Variants in GLI2 observed in about 807,000 individuals in gnomAD.
GLI2 encodes transcription activator GLI2.
In GLI2, 22 loss-of-function variants were observed where a neutral mutation model predicts 78.9. The ratio of observed to expected loss-of-function variants is 0.28; its 90% CI spans 0.20 to 0.40. The LOEUF is 0.40. Among genes scored for constraint, GLI2 ranks in the 10% least tolerant of loss-of-function variants. GLI2 has a pLI of 1.00. For synonymous variants in GLI2, 974 were observed against 963.7 expected (o/e 1.01, Z -0.20); for missense variants, 2,097 against 2,213.2 (o/e 0.95, Z 1.05).
At chr2:120,983,452 G>A (rs2105066521) in intron 11 of GLI2, among the ~76,000 whole-genome samples, 1 of 152,326 alleles carries the variant, frequency 6.6e-6, no homozygotes, top group Non-Finnish European at 1.5e-5. Context: ...CCACTGGGGA[G>A]CAGCTGCCCC....
chr2:120,990,682 G>C lies in GLI2; in HGVS notation c.*7G>C, dbSNP rs372740091. 1.2e-6 allele frequency: 2 copies of C among 1,609,388 alleles called. No homozygotes were observed. The highest frequency in any genetic ancestry group is 2.2e-5 in the East Asian group (1 of 44,836). Reference sequence around the variant, plus strand: ...CCTGAACATGATGACCTAGAGGCCCGAGCGCCTGGTGCTGAGTGCACCCGG... The same window carrying C: ...CCTGAACATGATGACCTAGAGGCCCCAGCGCCTGGTGCTGAGTGCACCCGG... On this transcript the variant is annotated 3_prime_UTR_variant, in exon 14 of 14. Coordinates refer to ENST00000361492, the MANE Select transcript of GLI2 (RefSeq NM_001374353.1).
chr2:120,827,635 C>T (rs1373884491), intron 2 of GLI2, among the ~76,000 whole-genome samples: 1 of 152,168 alleles, frequency 6.6e-6, no homozygotes, highest in African/African-American at 2.4e-5. Flanking sequence ...GGAAGCTACC[C>T]AAGGGTCCAT....
At chr2:120,887,820 A>C (rs1220159688) in intron 2 of GLI2, among the ~76,000 whole-genome samples, 1 of 152,190 alleles carries the variant, frequency 6.6e-6, no homozygotes, top group Non-Finnish European at 1.5e-5. Flanking sequence ...CGCTAATACC[A>C]GCGTTTGCCC....
chr2:120,951,595 C>A, intron 4 of GLI2, 150 bp downstream of exon 4: 1 of 595,784 alleles, frequency 1.7e-6, no homozygotes, highest in South Asian at 2.3e-5. Flanking sequence ...TACTTCCAAA[C>A]AACAAGTTTT....
chr2:120,892,403 G>A (rs2104752980), intron 2 of GLI2, among the ~76,000 whole-genome samples: 1 of 152,166 alleles, frequency 6.6e-6, no homozygotes, highest in East Asian at 1.9e-4. Context: ...CTGCCCCTTG[G>A]AAAAGTGGGT....
At chr2:120,860,769 C>G (rs1343187917) in intron 2 of GLI2, among the ~76,000 whole-genome samples, 1 of 152,174 alleles carries the variant, frequency 6.6e-6, no homozygotes, top group African/African-American at 2.4e-5. Context: ...GTCTGGGACT[C>G]TAGAGCAGTG....
At position 120,970,897 on chromosome 2, in the gene GLI2, A is replaced by G. The variant is rs546635451; in HGVS notation, c.1059+291A>G. 7.2e-5 allele frequency among the ~76,000 whole-genome samples: 11 copies of G among 152,330 alleles called. No individual in the cohort carries two copies. In the South Asian group the frequency reaches 2.3e-3, roughly 32 times the overall value. On this transcript the variant is annotated intron_variant, in intron 7 of 13. Coordinates refer to ENST00000361492, the MANE Select transcript of GLI2 (RefSeq NM_001374353.1). ...ACCATGGAGGCACTCCATGCACAGC[A>G]CATAGCATGGGTGGGTGAGTGAATC...
intron 1 of GLI2, among the ~76,000 whole-genome samples, chr2:120,766,615 A>G (rs1198179728): frequency 6.6e-6 from 1 of 152,206 alleles, no homozygotes; most frequent in East Asian, 1.9e-4. Flanking sequence ...GCAGCGGAGG[A>G]GCATTAGCTC....
At chr2:120,895,820 C>T (rs1214973371) in intron 2 of GLI2, among the ~76,000 whole-genome samples, 2 of 152,244 alleles carry the variant, frequency 1.3e-5, no homozygotes, top group Non-Finnish European at 1.5e-5. Context: ...GGTCTCCCCT[C>T]GTCTTGTAAT....
intron 2 of GLI2, among the ~76,000 whole-genome samples, chr2:120,905,095 T>A (rs1489205106): frequency 6.6e-6 from 1 of 152,166 alleles, no homozygotes; most frequent in African/African-American, 2.4e-5. Flanking sequence ...TCCTCCAGTG[T>A]CAAAAGGTTT....
Position 120,797,300 on chromosome 2 carries a change from C to T in GLI2, c.-21C>T. 1 of 1,613,648 alleles carries T rather than the reference C, an allele frequency of 6.2e-7. No homozygotes were observed. The highest frequency in any genetic ancestry group is 8.5e-7 in the Non-Finnish European group (1 of 1,179,690). On this transcript the variant is annotated 5_prime_UTR_variant, in exon 2 of 14. Coordinates refer to ENST00000361492, the MANE Select transcript of GLI2 (RefSeq NM_001374353.1). ...TTGTCTTCTCTTTTAGGATTGCCAC[C>T]CAGGACGATGAGCGGCTGAGATGGA...
intron 1 of GLI2, among the ~76,000 whole-genome samples, chr2:120,796,570 A>T (rs1573388259): frequency 6.6e-6 from 1 of 151,666 alleles, no homozygotes; most frequent in South Asian, 2.1e-4. Flanking sequence ...TCCCATCCCT[A>T]CCCCAGAGAG....
At chr2:120,931,894 C>T (rs1679960126) in intron 3 of GLI2, among the ~76,000 whole-genome samples, 1 of 152,196 alleles carries the variant, frequency 6.6e-6, no homozygotes, top group African/African-American at 2.4e-5. Flanking sequence ...CCCAGAGCCC[C>T]CCGTCCCTAC....
intron 2 of GLI2, among the ~76,000 whole-genome samples, chr2:120,887,322 A>G (rs1247128989): frequency 6.6e-6 from 1 of 152,196 alleles, no homozygotes; most frequent in Non-Finnish European, 1.5e-5. Context: ...CCCACAGTGA[A>G]CCTGAATTGA....
At chr2:120,804,313 T>G (rs1308005396) in intron 2 of GLI2, among the ~76,000 whole-genome samples, 1 of 152,202 alleles carries the variant, frequency 6.6e-6, no homozygotes, top group Non-Finnish European at 1.5e-5. Context: ...CAGGATGTCC[T>G]TGTGGGCAGG....
chr2:120,766,022 G>A (rs1317453492), intron 1 of GLI2, among the ~76,000 whole-genome samples: 1 of 152,034 alleles, frequency 6.6e-6, no homozygotes, highest in Non-Finnish European at 1.5e-5. Context: ...CTGTGGGCAA[G>A]GTCTCGGAGA....
chr2:120,947,981 C>T (rs1680793578), intron 3 of GLI2, among the ~76,000 whole-genome samples: 1 of 152,222 alleles, frequency 6.6e-6, no homozygotes, highest in Non-Finnish European at 1.5e-5. Context: ...TGGCCTGTCT[C>T]TCCACTGCCC....
At chr2:120,864,688 C>T (rs1180569858) in intron 2 of GLI2, among the ~76,000 whole-genome samples, 1 of 152,178 alleles carries the variant, frequency 6.6e-6, no homozygotes, top group African/African-American at 2.4e-5. Flanking sequence ...ACCTCGTAAT[C>T]CACCCACGTT....
chr2:120,939,221 G>T (rs533309064), intron 3 of GLI2, among the ~76,000 whole-genome samples: 1 of 152,262 alleles, frequency 6.6e-6, no homozygotes, highest in East Asian at 1.9e-4. Flanking sequence ...GGCGGAAGTT[G>T]CAGTGAGCTG....
Sources: gnomAD v4.1 joint callset for allele counts (sites outside exome capture counted in the v4.1 genomes callset) on GRCh38, gnomAD v4.1.1 for gene constraint, MANE v1.5 for transcripts, NCBI Gene and HGNC (gene_info 2026-07-23, HGNC 2026-07-21) for gene names.